The following ATG7 variants were observed in gnomAD, a reference collection of about 807,000 sequenced individuals.
ATG7 encodes the protein ubiquitin-like modifier-activating enzyme ATG7.
Under a neutral mutation model 82.4 loss-of-function variants are expected in ATG7, and 70 were observed. The observed-to-expected ratio is 0.85, with a 90% CI of 0.70 to 1.04. ATG7 has a LOEUF of 1.04. Ranked by LOEUF, ATG7 falls within the 50% of genes least tolerant of loss-of-function variation. The pLI is 0.00. For synonymous variants in ATG7, 287 were observed against 313.0 expected, an observed-to-expected ratio of 0.92 and a Z score of 0.88; for missense variants, 792 against 864.3, an observed-to-expected ratio of 0.92 and a Z score of 1.05.
chr3:11,412,916 T>G (rs557579895), intron 19 of ATG7, among the ~76,000 whole-genome samples: 1 of 152,304 alleles, frequency 6.6e-6, no homozygotes, highest in Admixed American at 6.5e-5. Flanking sequence ...GTCTTTCACC[T>G]GAAGTTAATT....
chr3:11,273,395 G>C (rs1401511260), intron 1 of ATG7, among the ~76,000 whole-genome samples: 1 of 152,188 alleles, frequency 6.6e-6, no homozygotes, highest in African/African-American at 2.4e-5. Context: ...TGAGCTGAAA[G>C]CAGCTACTCG....
the ATG7 span, among the ~76,000 whole-genome samples, chr3:11,570,415 T>C: frequency 6.6e-6 from 1 of 152,200 alleles, no homozygotes; most frequent in Non-Finnish European, 1.5e-5. Flanking sequence ...GCTGGCTTTC[T>C]CAGTCAGTAA....
chr3:11,358,383 G>A (rs2076070887), intron 14 of ATG7, 35 bp from the exon 15 acceptor site: 2 of 1,587,460 alleles, frequency 1.3e-6, no homozygotes, highest in African/African-American at 2.7e-5. Flanking sequence ...CTATACCATT[G>A]CTCCAGACAT....
chr3:11,510,230 C>T (rs1440780948), intron 20 of ATG7: 1 of 456,704 alleles, frequency 2.2e-6, no homozygotes, highest in South Asian at 1.5e-5. Context: ...CTTCCCCGCC[C>T]ATCAGGCCAC....
intron 11 of ATG7, among the ~76,000 whole-genome samples, chr3:11,335,888 G>T (rs1952381818): frequency 6.6e-6 from 1 of 151,900 alleles, no homozygotes; most frequent in Non-Finnish European, 1.5e-5. Flanking sequence ...TAGTAGAGTC[G>T]GGGTTTCACT....
At chr3:11,420,171 T>G (rs544053978) in intron 19 of ATG7, among the ~76,000 whole-genome samples, 52 of 152,338 alleles carry the variant, frequency 3.4e-4, no homozygotes, top group African/African-American at 1.2e-3. Context: ...CTTGTACTTT[T>G]TGTAAGCCAC....
intron 19 of ATG7, among the ~76,000 whole-genome samples, chr3:11,400,292 G>T (rs1416689483): frequency 6.6e-6 from 1 of 152,166 alleles, no homozygotes; most frequent in East Asian, 1.9e-4. Flanking sequence ...CTTAATTTAA[G>T]CCAGGGTATA....
chr3:11,492,645 C>T (rs972398460), intron 20 of ATG7, among the ~76,000 whole-genome samples: 4 of 152,186 alleles, frequency 2.6e-5, no homozygotes, highest in Non-Finnish European at 5.9e-5. Flanking sequence ...GGAGCAAACT[C>T]CCTTAACTTG....
intron 19 of ATG7, among the ~76,000 whole-genome samples, chr3:11,420,930 T>C (rs2081888435): frequency 6.6e-6 from 1 of 152,050 alleles, no homozygotes; most frequent in African/African-American, 2.4e-5. Context: ...TAATTTTTTG[T>C]ATTTTTAGTA....
At chr3:11,288,627 C>G (rs1054753005) in intron 3 of ATG7, 7 of 152,174 alleles carry the variant, frequency 4.6e-5, no homozygotes, top group African/African-American at 1.4e-4. Flanking sequence ...CCCCACACTC[C>G]TCTCTCCTCA....
intron 20 of ATG7, among the ~76,000 whole-genome samples, chr3:11,549,235 T>C (rs1343468966): frequency 6.6e-6 from 1 of 152,172 alleles, no homozygotes. Flanking sequence ...ATGTCTTCTG[T>C]GTTAGGGTTG....
chr3:11,371,408 C>G (rs7624357), intron 18 of ATG7, among the ~76,000 whole-genome samples: 116,888 of 150,494 alleles, frequency 0.78, 47,148 homozygotes, highest in East Asian at 1. Flanking sequence ...ATTGGAAATG[C>G]CTGGACCTTC....
chr3:11,497,106 C>G (rs2090892367), intron 20 of ATG7, among the ~76,000 whole-genome samples: 2 of 151,902 alleles, frequency 1.3e-5, no homozygotes, highest in South Asian at 4.2e-4. Context: ...TTGCCTCGGC[C>G]TCCCAAAGTG....
chr3:11,482,900 A>G (rs1045554669), intron 20 of ATG7, among the ~76,000 whole-genome samples: 2 of 151,872 alleles, frequency 1.3e-5, no homozygotes, highest in Non-Finnish European at 2.9e-5. Context: ...AATACCACCC[A>G]GATTGGGAGA....
chr3:11,423,410 C>G (rs997933602), intron 19 of ATG7, among the ~76,000 whole-genome samples: 22 of 152,158 alleles, frequency 1.4e-4, no homozygotes, highest in Non-Finnish European at 2.6e-4. Context: ...GAAGTGAGCA[C>G]ATGGTGTTGG....
chr3:11,388,553 C>G (rs928073667), intron 19 of ATG7, among the ~76,000 whole-genome samples: 1 of 151,822 alleles, frequency 6.6e-6, no homozygotes, highest in Non-Finnish European at 1.5e-5. Flanking sequence ...CTCAGCGTCC[C>G]AAGTAGCTGG....
chr3:11,306,191 T>A (rs1315877227), intron 5 of ATG7, among the ~76,000 whole-genome samples: 2 of 152,158 alleles, frequency 1.3e-5, no homozygotes, highest in Non-Finnish European at 2.9e-5. Context: ...AGCCCAGGTG[T>A]GAGACATTTT....
intron 20 of ATG7, among the ~76,000 whole-genome samples, chr3:11,554,554 A>T (rs932240420): frequency 7.2e-5 from 11 of 152,160 alleles, no homozygotes; most frequent in Non-Finnish European, 2.9e-5. Flanking sequence ...GACATGCAGG[A>T]GGTGAGCAGA....
At chr3:11,468,800 C>G (rs542710517) in intron 20 of ATG7, among the ~76,000 whole-genome samples, 2 of 152,168 alleles carry the variant, frequency 1.3e-5, no homozygotes, top group Admixed American at 6.5e-5. Flanking sequence ...GCCAGGGAGG[C>G]TCGGTTTCAT....
Sources: gnomAD v4.1 joint callset for allele counts (sites outside exome capture counted in the v4.1 genomes callset) on GRCh38, gnomAD v4.1.1 for gene constraint, MANE v1.5 for transcripts, NCBI Gene and HGNC (gene_info 2026-07-23, HGNC 2026-07-21) for gene names.